EYS: variants seen among roughly 807,000 people sequenced by gnomAD.
The protein encoded by EYS is EGF-like photoreceptor maintenance factor, also known as protein eyes shut homolog.
Under a neutral mutation model 282.1 loss-of-function variants are expected in EYS, and 250 were observed. That is an observed-to-expected ratio of 0.89 (90% CI 0.80 to 0.98). The LOEUF is 0.98. Ranked by LOEUF, EYS falls within the 50% of genes least tolerant of loss-of-function variation. The probability of loss-of-function intolerance (pLI) is 0.00; values close to 1 mark genes in which losing one functional copy is unlikely to be tolerated. For missense variants in EYS, 4,016 were observed against 3,709.0 expected (o/e 1.08, Z -2.15); for synonymous variants, 1,355 against 1,282.9 (o/e 1.06, Z -1.20).
intron 1 of EYS, among the ~76,000 whole-genome samples, chr6:65,674,241 AAAACTTCCC>A (rs1165721392): frequency 3.3e-5 from 5 of 151,792 alleles, no homozygotes; most frequent in African/African-American, 1.2e-4. Context: ...ATAATGGCAG[AAAACTTCCC>A]AAATTGGGGC....
chr6:65,042,009 G>A (rs1248209096), intron 13 of EYS, among the ~76,000 whole-genome samples: 1 of 151,592 alleles, frequency 6.6e-6, no homozygotes, highest in Non-Finnish European at 1.5e-5. Context: ...CTGACTTAGA[G>A]ACTTAACAAA....
At chr6:64,535,821 G>T (rs896249245) in intron 26 of EYS, among the ~76,000 whole-genome samples, 1 of 151,888 alleles carries the variant, frequency 6.6e-6, no homozygotes, top group African/African-American at 2.4e-5. Context: ...AGCTTTTAAG[G>T]GAGTATGCTA....
At chr6:64,026,094 G>C (rs578096103) in intron 33 of EYS, among the ~76,000 whole-genome samples, 1 of 152,216 alleles carries the variant, frequency 6.6e-6, no homozygotes. Context: ...TGCTGCGTCA[G>C]TGAGCGCAAC....
chr6:64,391,036 T>C (rs1283050981), intron 28 of EYS, among the ~76,000 whole-genome samples: 2 of 151,754 alleles, frequency 1.3e-5, no homozygotes, highest in Admixed American at 6.6e-5. Flanking sequence ...TGATGGAAGA[T>C]GAAATGAATG....
Position 65,305,373 on chromosome 6 carries a change from G to C in EYS, c.1767-9254C>G, listed in dbSNP as rs546688754. Among the ~76,000 whole-genome samples the C allele has an allele frequency of 5.3e-4, 81 of 152,322 alleles. No homozygotes were observed. In the East Asian group the frequency reaches 0.014, roughly 27 times the overall value. On this transcript the variant is annotated intron_variant, in intron 11 of 42. Transcript: ENST00000503581. Reference sequence around the variant, plus strand: ...CCTGAGTTTGAAATGGATGAAGACAGCTGCTACCATTAAGGACCAAATTTT... The same window carrying C: ...CCTGAGTTTGAAATGGATGAAGACACCTGCTACCATTAAGGACCAAATTTT...
At chr6:64,897,871 C>A (rs148110606) in intron 18 of EYS, among the ~76,000 whole-genome samples, 1 of 151,988 alleles carries the variant, frequency 6.6e-6, no homozygotes, top group Admixed American at 6.6e-5. Context: ...TGAAGATCAA[C>A]TTAGTGAAAT....
intron 12 of EYS, among the ~76,000 whole-genome samples, chr6:65,266,929 CACAA>C (rs1484460441): frequency 3.0e-5 from 4 of 134,572 alleles, no homozygotes; most frequent in Admixed American, 7.4e-5. Context: ...CATATATATA[CACAA>C]ACATTGATAT....
chr6:64,608,497 A>C (rs994315942), intron 24 of EYS, among the ~76,000 whole-genome samples: 1 of 152,218 alleles, frequency 6.6e-6, no homozygotes, highest in Admixed American at 6.5e-5. Context: ...AATATTTTAG[A>C]AAACAGTTGG....
chr6:64,312,230 G>T (rs1285197250), intron 29 of EYS, among the ~76,000 whole-genome samples: 2 of 151,956 alleles, frequency 1.3e-5, no homozygotes, highest in African/African-American at 2.4e-5. Context: ...TTGAGTAGGT[G>T]GTTTTACCCT....
chr6:65,130,294 T>C (rs1775833591), intron 12 of EYS, among the ~76,000 whole-genome samples: 1 of 151,882 alleles, frequency 6.6e-6, no homozygotes, highest in African/African-American at 2.4e-5. Flanking sequence ...GCACATGTAC[T>C]CTCTGATTCT....
chr6:65,668,911 T>C (rs1160285547), intron 1 of EYS, among the ~76,000 whole-genome samples: 2 of 151,906 alleles, frequency 1.3e-5, no homozygotes, highest in Admixed American at 6.6e-5. Flanking sequence ...GGTTGGGCAA[T>C]TACTGCCACT....
At chr6:65,653,881 T>C (rs1179196943) in intron 1 of EYS, among the ~76,000 whole-genome samples, 1 of 151,932 alleles carries the variant, frequency 6.6e-6, no homozygotes, top group Non-Finnish European at 1.5e-5. Flanking sequence ...TATAAGGACA[T>C]AGGAAGGCAA....
intron 35 of EYS, among the ~76,000 whole-genome samples, chr6:63,945,941 T>C (rs1198261697): frequency 1.3e-5 from 2 of 152,248 alleles, no homozygotes; most frequent in Non-Finnish European, 2.9e-5. Flanking sequence ...TTCCTTTTCC[T>C]GAACCTACGA....
chr6:64,797,310 GA>G (rs11324051), intron 22 of EYS, among the ~76,000 whole-genome samples: 3,242 of 148,906 alleles, frequency 0.022, 88 homozygotes, highest in African/African-American at 0.075. Flanking sequence ...GATTGACAAA[GA>G]AAAAAAAAAT....
intron 12 of EYS, among the ~76,000 whole-genome samples, chr6:65,114,308 A>G (rs1055359350): frequency 6.7e-6 from 1 of 148,900 alleles, no homozygotes. Context: ...TTACATTTTT[A>G]TAGAATATCA....
chr6:65,546,857 G>A (rs34586455), intron 2 of EYS, among the ~76,000 whole-genome samples: 25,247 of 151,934 alleles, frequency 0.17, 2,379 homozygotes, highest in African/African-American at 0.25. Context: ...AGGCATGAGC[G>A]ACCACACCCG....
At chr6:65,322,314 G>A (rs572066306) in intron 11 of EYS, among the ~76,000 whole-genome samples, 3 of 152,132 alleles carry the variant, frequency 2.0e-5, no homozygotes, top group Non-Finnish European at 4.4e-5. Flanking sequence ...GAAATGTACC[G>A]ATTAATAGCG....
At chr6:63,997,908 C>T (rs757887666) in intron 34 of EYS, among the ~76,000 whole-genome samples, 12 of 152,052 alleles carry the variant, frequency 7.9e-5, no homozygotes, top group Non-Finnish European at 1.5e-4. Flanking sequence ...TGTAGTCATA[C>T]TGAATGCTTT....
chr6:64,553,778 A>G (rs1765162351), intron 26 of EYS, among the ~76,000 whole-genome samples: 1 of 152,158 alleles, frequency 6.6e-6, no homozygotes, highest in Non-Finnish European at 1.5e-5. Context: ...AAAATTTCAG[A>G]AAAATGTAGA....
Sources: allele counts gnomAD v4.1 joint callset (sites outside exome capture counted in the v4.1 genomes callset), GRCh38; gene constraint gnomAD v4.1.1; transcripts MANE v1.5; gene names NCBI Gene and HGNC (gene_info 2026-07-23, HGNC 2026-07-21).